Variants in TBC1D1 observed in about 807,000 individuals in gnomAD.
TBC1D1 encodes TBC1 (tre-2/USP6, BUB2, cdc16) domain family, member 1.
A neutral mutation model predicts 125.6 loss-of-function variants in TBC1D1; 89 were observed. The observed-to-expected ratio is 0.71, with a 90% CI of 0.60 to 0.85. The LOEUF is 0.85. Ranked by LOEUF, TBC1D1 falls within the 40% of genes least tolerant of loss-of-function variation. The pLI, the probability that TBC1D1 is intolerant of heterozygous loss-of-function variation, is 0.00. For synonymous variants in TBC1D1, 565 were observed against 564.1 expected (o/e 1.00, Z -0.02); for missense variants, 1,377 against 1,469.2 (o/e 0.94, Z 1.03).
chr4:38,022,828 T>C (rs1744323345), intron 6 of TBC1D1, among the ~76,000 whole-genome samples: 2 of 152,174 alleles, frequency 1.3e-5, no homozygotes, highest in South Asian at 4.1e-4. Flanking sequence ...TTTTGTTCTG[T>C]TTATGGGAGG....
At chr4:38,018,716 A>G (rs954619222) in intron 4 of TBC1D1, among the ~76,000 whole-genome samples, 8 of 152,176 alleles carry the variant, frequency 5.3e-5, no homozygotes, top group African/African-American at 1.9e-4. Flanking sequence ...ATCCACAGTC[A>G]TGACTTCCAG....
intron 11 of TBC1D1, among the ~76,000 whole-genome samples, chr4:38,051,441 T>G (rs1056064242): frequency 6.6e-6 from 1 of 152,194 alleles, no homozygotes; most frequent in Non-Finnish European, 1.5e-5. Context: ...ATTAAAAATT[T>G]TTTTTCCTGC....
At chr4:38,120,842 A>T (rs1318877143) in intron 17 of TBC1D1, among the ~76,000 whole-genome samples, 1 of 152,110 alleles carries the variant, frequency 6.6e-6, no homozygotes, top group Non-Finnish European at 1.5e-5. Flanking sequence ...GGGGAAGAAA[A>T]ATCTAAAAAA....
intron 2 of TBC1D1, among the ~76,000 whole-genome samples, chr4:37,942,982 C>G (rs879943654): frequency 6.6e-6 from 1 of 152,134 alleles, no homozygotes; most frequent in Non-Finnish European, 1.5e-5. Context: ...ACCAGTTGTT[C>G]CTTTCCATGT....
chr4:37,910,427 T>G (rs904505698), intron 2 of TBC1D1, among the ~76,000 whole-genome samples: 2 of 152,224 alleles, frequency 1.3e-5, no homozygotes, highest in African/African-American at 4.8e-5. Context: ...ATCTCAATAG[T>G]TTTTTTATAA....
chr4:37,919,290 C>T (rs1311287932), intron 2 of TBC1D1, among the ~76,000 whole-genome samples: 1 of 151,956 alleles, frequency 6.6e-6, no homozygotes, highest in Admixed American at 6.6e-5. Flanking sequence ...GCCTCAGCCT[C>T]CCAAGTACCT....
chr4:38,125,954 T>G (rs979059363), intron 18 of TBC1D1, among the ~76,000 whole-genome samples: 7 of 152,234 alleles, frequency 4.6e-5, no homozygotes, highest in African/African-American at 1.7e-4. Flanking sequence ...AAGCCTCTCA[T>G]AAGCCTAGAA....
chr4:37,913,385 G>A (rs1719013305), intron 2 of TBC1D1, among the ~76,000 whole-genome samples: 1 of 152,080 alleles, frequency 6.6e-6, no homozygotes, highest in African/African-American at 2.4e-5. Context: ...GATCACCTGA[G>A]GTCGGGAGTT....
chr4:37,930,889 A>AT (rs1294827116), intron 2 of TBC1D1, among the ~76,000 whole-genome samples: 1 of 152,232 alleles, frequency 6.6e-6, no homozygotes, highest in Non-Finnish European at 1.5e-5. Context: ...CATTTAAAAG[A>AT]TAAAAACTGT....
chr4:37,989,510 G>A (rs1021906014), intron 2 of TBC1D1, among the ~76,000 whole-genome samples: 1 of 152,182 alleles, frequency 6.6e-6, no homozygotes, highest in Admixed American at 6.5e-5. Flanking sequence ...CTGGGGTTGT[G>A]TCATGGGTCG....
At position 38,014,117 on chromosome 4, in the gene TBC1D1, G is replaced by T. The variant is rs1312723533; in HGVS notation, c.418-392G>T. 6.6e-6 allele frequency among the ~76,000 whole-genome samples: 1 copy of T among 152,154 alleles called. No individual in the cohort carries two copies. Among genetic ancestry groups the T allele is most frequent in the African/African-American group, 2.4e-5 (1 of 41,430 alleles). On this transcript the variant is annotated intron_variant, in intron 2 of 19. Coordinates refer to ENST00000261439, the MANE Select transcript of TBC1D1 (RefSeq NM_015173.4). The surrounding 1 kb of genome is among the most constrained non-coding windows in gnomAD (Gnocchi z 5.1). ...TTGGAGACAGACTTCTCTGGGAGGC[G>T]ACAGCTTCTCCAGAGGAGGCCTTTA...
At chr4:38,082,425 G>T (rs79470611) in intron 12 of TBC1D1, among the ~76,000 whole-genome samples, 2 of 152,134 alleles carry the variant, frequency 1.3e-5, no homozygotes, top group Admixed American at 6.5e-5. Context: ...ATAGGATAGG[G>T]CAAACTGTTA....
At chr4:38,026,232 A>G (rs1290680459) in intron 6 of TBC1D1, among the ~76,000 whole-genome samples, 6 of 152,182 alleles carry the variant, frequency 3.9e-5, no homozygotes, top group African/African-American at 1.2e-4. Flanking sequence ...GGGAAAAAGA[A>G]TGTCTTTCTG....
chr4:37,993,869 A>T (rs963941108), intron 2 of TBC1D1, among the ~76,000 whole-genome samples: 15 of 152,346 alleles, frequency 9.8e-5, no homozygotes, highest in African/African-American at 3.6e-4. Flanking sequence ...GGCGTGAGCC[A>T]CCGCGCCCGG....
At chr4:38,023,054 G>C (rs1303080883) in intron 6 of TBC1D1, among the ~76,000 whole-genome samples, 1 of 151,714 alleles carries the variant, frequency 6.6e-6, no homozygotes, top group Non-Finnish European at 1.5e-5. Flanking sequence ...CTGTCTCTAC[G>C]AAATACAAAT....
At chr4:38,071,055 A>C (rs1440696517) in intron 12 of TBC1D1, among the ~76,000 whole-genome samples, 1 of 152,224 alleles carries the variant, frequency 6.6e-6, no homozygotes, top group Non-Finnish European at 1.5e-5. Context: ...ACTTGGCATG[A>C]CCAGTGATTT....
intron 2 of TBC1D1, among the ~76,000 whole-genome samples, chr4:37,962,990 A>G (rs1444132322): frequency 6.6e-6 from 1 of 152,202 alleles, no homozygotes; most frequent in Non-Finnish European, 1.5e-5. Context: ...TTCTTTGGCA[A>G]TAAACATCAA....
In TBC1D1 at chr4:37,902,247, G is replaced by A; in HGVS notation, c.152G>A (p.Ser51Asn). ...GTTGTGGCTGAGGTGCGAAGACTCA[G>A]CAGGCAGTCCACCAGAAAGGAACCT... The change falls in exon 2 of 20, where the codon AGC (serine) becomes AAC (asparagine). Residue 51 changes from serine (S) to asparagine (N), a missense_variant. By Grantham distance (46) the Ser-to-Asn change is conservative. This residue lies in a region of TBC1D1 where 822 missense variants were observed against 824.6 expected (regional missense o/e 1.00). Coordinates refer to ENST00000261439, the MANE Select transcript of TBC1D1 (RefSeq NM_015173.4). The A allele has an allele frequency of 6.2e-7, 1 of 1,614,122 alleles. No individual in the cohort carries two copies. The highest frequency in any genetic ancestry group is 8.5e-7 in the Non-Finnish European group (1 of 1,180,026).
chr4:38,097,773 C>T (rs760268526), intron 14 of TBC1D1, among the ~76,000 whole-genome samples: 17 of 152,164 alleles, frequency 1.1e-4, no homozygotes, highest in Non-Finnish European at 2.2e-4. Context: ...CCACTGCACC[C>T]GGCCTGCATA....
Sources: allele counts gnomAD v4.1 joint callset (sites outside exome capture counted in the v4.1 genomes callset), GRCh38; gene constraint gnomAD v4.1.1; regional missense constraint gnomAD v4.1.1; non-coding constraint Gnocchi (gnomAD v3.1); transcripts MANE v1.5; gene names NCBI Gene and HGNC (gene_info 2026-07-23, HGNC 2026-07-21).